The following ADCY2 variants were observed in gnomAD, a reference collection of about 807,000 sequenced individuals.
ADCY2 encodes adenylate cyclase 2, also known as adenylate cyclase type 2.
Under a neutral mutation model 125.2 loss-of-function variants are expected in ADCY2, and 31 were observed. The observed-to-expected ratio is 0.25, with a 90% confidence interval of 0.19 to 0.33. The LOEUF (loss-of-function observed/expected upper bound fraction) is 0.33, where lower values mean the gene tolerates loss of function less well. ADCY2 is among the 10% of genes least tolerant of loss of function. The pLI is 1.00. For synonymous variants in ADCY2, 512 were observed against 548.4 expected (o/e 0.93, Z 0.93); for missense variants, 904 against 1,418.2 (o/e 0.64, Z 5.82).
chr5:7,797,993 AG>A (rs1469984270), intron 20 of ADCY2: 5 of 152,374 alleles, frequency 3.3e-5, no homozygotes, highest in Non-Finnish European at 5.9e-5. Context: ...CTGGGCACAC[AG>A]GGTGGGGAGC....
chr5:7,464,157 C>G (rs1431932461), intron 2 of ADCY2, among the ~76,000 whole-genome samples: 1 of 152,134 alleles, frequency 6.6e-6, no homozygotes, highest in Non-Finnish European at 1.5e-5. Flanking sequence ...TCTACCCTTT[C>G]CTCTTCATTG....
Position 7,449,851 on chromosome 5 carries a change from T to C in ADCY2, c.408+35081T>C, listed in dbSNP as rs377393119. ...CCCATTTTAGTCATTGTCACAGTAT[T>C]TGAAAAGTTTCATTATTATGGTATC... On this transcript the variant is annotated intron_variant, in intron 2 of 24. Coordinates refer to ENST00000338316, the MANE Select transcript of ADCY2 (RefSeq NM_020546.3). Among the ~76,000 whole-genome samples the C allele has an allele frequency of 9.8e-5, 15 of 152,346 alleles. No individual in the cohort carries two copies. In the East Asian group the frequency reaches 2.7e-3, roughly 27 times the overall value.
chr5:7,489,115 C>T (rs1023249994), intron 2 of ADCY2, among the ~76,000 whole-genome samples: 1 of 152,198 alleles, frequency 6.6e-6, no homozygotes, highest in African/African-American at 2.4e-5. Context: ...CTCTCCCACT[C>T]CCATTTCTAC....
At chr5:7,682,311 G>A (rs973757636) in intron 4 of ADCY2, among the ~76,000 whole-genome samples, 3 of 152,096 alleles carry the variant, frequency 2.0e-5, no homozygotes, top group African/African-American at 4.8e-5. Context: ...GAAGAGACCC[G>A]TTTTTTCAGT....
chr5:7,401,416 A>G (rs1739259404), intron 1 of ADCY2, among the ~76,000 whole-genome samples: 1 of 152,166 alleles, frequency 6.6e-6, no homozygotes, highest in Non-Finnish European at 1.5e-5. Flanking sequence ...GCTAGAGAAG[A>G]TTGAAGGTCT....
chr5:7,825,720 G>A (rs569585025), intron 24 of ADCY2, among the ~76,000 whole-genome samples: 1 of 152,304 alleles, frequency 6.6e-6, no homozygotes, highest in South Asian at 2.1e-4. Context: ...CTCAGACCAC[G>A]CCTGTGTGTC....
At chr5:7,815,751 C>T (rs1009199163) in intron 22 of ADCY2, among the ~76,000 whole-genome samples, 1 of 152,182 alleles carries the variant, frequency 6.6e-6, no homozygotes, top group African/African-American at 2.4e-5. Flanking sequence ...TAATTCCCTC[C>T]TCCTCGTGGG....
chr5:7,757,478 C>T lies in ADCY2; in HGVS notation c.1986C>T (p.Leu662=). The T allele has an allele frequency of 6.2e-7, 1 of 1,614,128 alleles. No individual in the cohort carries two copies. The highest frequency in any genetic ancestry group is 2.2e-5 in the East Asian group (1 of 44,868). The change falls in exon 16 of 25, where the codon CTC becomes CTT. Residue 662 remains leucine (L), a synonymous_variant. Coordinates refer to ENST00000338316, the MANE Select transcript of ADCY2 (RefSeq NM_020546.3). Reference sequence around the variant, plus strand: ...GCAGCAAAAAAGCCTCTCCCCTGCTCATGTGGCTTTTGAAGTCCTCGGGCA... The same window carrying T: ...GCAGCAAAAAAGCCTCTCCCCTGCTTATGTGGCTTTTGAAGTCCTCGGGCA... The part of the protein sequence containing the change: ...LQCSKKASPL[L]MWLLKSSGII...
intron 3 of ADCY2, among the ~76,000 whole-genome samples, chr5:7,549,220 G>A (rs958803864): frequency 6.6e-6 from 1 of 152,166 alleles, no homozygotes; most frequent in Admixed American, 6.5e-5. Context: ...GCTGCTTCCT[G>A]TTGCTACATT....
intron 2 of ADCY2, among the ~76,000 whole-genome samples, chr5:7,417,341 G>A (rs969769315): frequency 3.3e-5 from 5 of 152,140 alleles, no homozygotes; most frequent in African/African-American, 1.2e-4. Flanking sequence ...TGACCTTACA[G>A]TGTCCGTGGG....
intron 3 of ADCY2, among the ~76,000 whole-genome samples, chr5:7,556,144 A>G (rs958830188): frequency 6.6e-6 from 1 of 152,190 alleles, no homozygotes; most frequent in Non-Finnish European, 1.5e-5. Context: ...CTATGGATTT[A>G]GGTAATTCCC....
intron 2 of ADCY2, among the ~76,000 whole-genome samples, chr5:7,455,063 T>C (rs1413872083): frequency 6.6e-6 from 1 of 152,184 alleles, no homozygotes; most frequent in Non-Finnish European, 1.5e-5. Flanking sequence ...GCCAGAACTT[T>C]CCACATTCTA....
intron 2 of ADCY2, among the ~76,000 whole-genome samples, chr5:7,461,780 C>T (rs1241296932): frequency 6.6e-6 from 1 of 152,226 alleles, no homozygotes; most frequent in African/African-American, 2.4e-5. Context: ...GCTGGTTACA[C>T]TGTCCAAGCA....
intron 3 of ADCY2, among the ~76,000 whole-genome samples, chr5:7,599,162 A>G (rs2126633508): frequency 6.6e-6 from 1 of 152,052 alleles, no homozygotes; most frequent in South Asian, 2.1e-4. Flanking sequence ...GGATTTGTGC[A>G]GGGATAGCCC....
intron 2 of ADCY2, among the ~76,000 whole-genome samples, chr5:7,506,496 A>G (rs969400680): frequency 6.6e-6 from 1 of 152,182 alleles, no homozygotes; most frequent in Non-Finnish European, 1.5e-5. Flanking sequence ...AATGAAGGCC[A>G]TGGTTACCAT....
chr5:7,636,192 A>G (rs1738496558), intron 4 of ADCY2, among the ~76,000 whole-genome samples: 1 of 152,246 alleles, frequency 6.6e-6, no homozygotes, highest in South Asian at 2.1e-4. Context: ...TATTGTTTAC[A>G]GATCTGGAGA....
chr5:7,646,782 A>G (rs1277987074), intron 4 of ADCY2, among the ~76,000 whole-genome samples: 2 of 152,190 alleles, frequency 1.3e-5, no homozygotes, highest in Non-Finnish European at 2.9e-5. Context: ...AATATAACGA[A>G]TTTCACATTC....
chr5:7,512,754 C>A (rs1297202007), intron 2 of ADCY2, among the ~76,000 whole-genome samples: 1 of 152,050 alleles, frequency 6.6e-6, no homozygotes, highest in African/African-American at 2.4e-5. Context: ...TAGAGCTGAG[C>A]CAGTGGAGCT....
intron 1 of ADCY2, among the ~76,000 whole-genome samples, chr5:7,406,802 T>A (rs1739505012): frequency 6.6e-6 from 1 of 152,214 alleles, no homozygotes; most frequent in South Asian, 2.1e-4. Flanking sequence ...TCTCAAAACT[T>A]ATTCAACCTC....
Sources: allele counts gnomAD v4.1 joint callset (sites outside exome capture counted in the v4.1 genomes callset), GRCh38; gene constraint gnomAD v4.1.1; transcripts MANE v1.5; gene names NCBI Gene and HGNC (gene_info 2026-07-23, HGNC 2026-07-21).